RASA3: variants seen among roughly 807,000 people sequenced by gnomAD.
RASA3 encodes ras GTPase-activating protein 3.
A neutral mutation model predicts 110.0 loss-of-function variants in RASA3; 73 were observed. The observed-to-expected ratio is 0.66, with a 90% confidence interval of 0.55 to 0.81. The LOEUF (loss-of-function observed/expected upper bound fraction) is 0.81. RASA3 is among the 30% of genes least tolerant of loss of function. The probability of loss-of-function intolerance (pLI) is 0.00; values close to 1 mark genes in which losing one functional copy is unlikely to be tolerated. For missense variants in RASA3, 976 were observed against 1,113.2 expected, an observed-to-expected ratio of 0.88 and a Z score of 1.75; for synonymous variants, 500 against 451.4, an observed-to-expected ratio of 1.11 and a Z score of -1.37.
At chr13:114,082,205 G>GGGCA (rs1290303054) in intron 1 of RASA3, among the ~76,000 whole-genome samples, 1 of 152,216 alleles carries the variant, frequency 6.6e-6, no homozygotes, top group Non-Finnish European at 1.5e-5. Flanking sequence ...GGTCTCACAG[G>GGGCA]GGCAGGCAGG....
intron 8 of RASA3, among the ~76,000 whole-genome samples, chr13:114,023,636 G>GA (rs1442882591): frequency 1.3e-5 from 2 of 152,220 alleles, no homozygotes; most frequent in African/African-American, 4.8e-5. Flanking sequence ...GGGATCGTGG[G>GA]GCTCTCTAAA....
At chr13:114,068,518 C>T (rs1485323705) in intron 2 of RASA3, among the ~76,000 whole-genome samples, 1 of 152,224 alleles carries the variant, frequency 6.6e-6, no homozygotes, top group Non-Finnish European at 1.5e-5. Context: ...TGTGTGACGC[C>T]AGCTGTTCCT....
intron 1 of RASA3, among the ~76,000 whole-genome samples, chr13:114,106,029 AC>A (rs1178886162): frequency 6.6e-6 from 1 of 152,180 alleles, no homozygotes; most frequent in Non-Finnish European, 1.5e-5. Flanking sequence ...AATCGCAGGC[AC>A]TGAGTGGGAG....
chr13:113,992,636 G>A (rs3737052), intron 21 of RASA3, 48 bp from the exon 22 acceptor site: 92 of 1,328,610 alleles, frequency 6.9e-5, no homozygotes, highest in Non-Finnish European at 9.2e-5. Context: ...TTATTTAAAC[G>A]ATGCTTTTAA....
At chr13:114,071,113 T>C (rs956525294) in intron 2 of RASA3, among the ~76,000 whole-genome samples, 2 of 152,208 alleles carry the variant, frequency 1.3e-5, no homozygotes, top group Admixed American at 1.3e-4. Context: ...CAGTCTTTTG[T>C]TGTGTGTGTT....
chr13:114,016,823 C>T (rs72659534), intron 12 of RASA3, among the ~76,000 whole-genome samples: 15,093 of 152,168 alleles, frequency 0.099, 974 homozygotes, highest in Middle Eastern at 0.15. Flanking sequence ...CACAGCCTGG[C>T]GGGCATCAGA....
intron 3 of RASA3, among the ~76,000 whole-genome samples, chr13:114,049,853 G>A (rs973480162): frequency 1.3e-5 from 2 of 152,252 alleles, no homozygotes; most frequent in African/African-American, 2.4e-5. Context: ...AGTGGACACA[G>A]CACAACAGGC....
chr13:114,102,409 G>A (rs2080071791), intron 1 of RASA3, among the ~76,000 whole-genome samples: 1 of 152,140 alleles, frequency 6.6e-6, no homozygotes, highest in Admixed American at 6.5e-5. Flanking sequence ...CGGTGAGAGG[G>A]AGAGGGACAG....
chr13:114,128,349 G>C (rs932561151), intron 1 of RASA3, among the ~76,000 whole-genome samples: 2 of 152,218 alleles, frequency 1.3e-5, no homozygotes, highest in African/African-American at 2.4e-5. Flanking sequence ...CACCTAATTT[G>C]ATGCCTGTAA....
chr13:114,100,212 G>C (rs375759845), intron 1 of RASA3, among the ~76,000 whole-genome samples: 1 of 151,710 alleles, frequency 6.6e-6, no homozygotes, highest in East Asian at 2.0e-4. Flanking sequence ...GCCCCGCCCC[G>C]GCCCGCGGTG....
At chr13:113,979,613 G>A (rs2052860453) in intron 23 of RASA3, among the ~76,000 whole-genome samples, 191 bp from the exon 24 acceptor site, 1 of 152,130 alleles carries the variant, frequency 6.6e-6, no homozygotes, top group Non-Finnish European at 1.5e-5. Flanking sequence ...GTGCACAGGT[G>A]GGTCAGGCGT....
intron 1 of RASA3, among the ~76,000 whole-genome samples, chr13:114,119,750 G>A (rs202177602): frequency 1.2e-4 from 3 of 25,556 alleles, no homozygotes; most frequent in Admixed American, 4.0e-4. Flanking sequence ...CTCCAGCCAG[G>A]CGTCGATCAG....
At chr13:114,002,807 G>C (rs369909364) in intron 18 of RASA3, among the ~76,000 whole-genome samples, 1 of 152,176 alleles carries the variant, frequency 6.6e-6, no homozygotes, top group African/African-American at 2.4e-5. Flanking sequence ...CCCATCGCGC[G>C]TGTGGGACGG....
At chr13:114,052,342 C>G (rs2079159155) in intron 2 of RASA3, among the ~76,000 whole-genome samples, 187 bp from the exon 3 acceptor site, 1 of 152,186 alleles carries the variant, frequency 6.6e-6, no homozygotes, top group Non-Finnish European at 1.5e-5. Flanking sequence ...CCGGCCTCCA[C>G]CTCGAGCCTT....
At chr13:114,041,645 C>G (rs1049417151) in intron 3 of RASA3, among the ~76,000 whole-genome samples, 1 of 152,224 alleles carries the variant, frequency 6.6e-6, no homozygotes, top group Non-Finnish European at 1.5e-5. Flanking sequence ...TGCACCCGTG[C>G]GAGCGACAGC....
At chr13:113,993,430 CCTCCCAAAG>C (rs1426603130) in intron 21 of RASA3, among the ~76,000 whole-genome samples, 3 of 151,964 alleles carry the variant, frequency 2.0e-5, no homozygotes, top group Non-Finnish European at 4.4e-5. Context: ...CCCACCTCGA[CCTCCCAAAG>C]TGCTAGGATT....
At chr13:114,024,057 G>C (rs558353853) in intron 8 of RASA3, among the ~76,000 whole-genome samples, 2 of 152,354 alleles carry the variant, frequency 1.3e-5, no homozygotes, top group African/African-American at 4.8e-5. Flanking sequence ...GAGGGATGCG[G>C]ACCTCTGGCT....
At chr13:114,020,960 C>T (rs778959197) in intron 9 of RASA3, among the ~76,000 whole-genome samples, 56 of 152,270 alleles carry the variant, frequency 3.7e-4, no homozygotes, top group Non-Finnish European at 5.1e-4. Context: ...ACGAGCTGCT[C>T]GCGGCTCAGG....
intron 4 of RASA3, among the ~76,000 whole-genome samples, chr13:114,030,759 G>C (rs990767548): frequency 1.3e-4 from 19 of 148,866 alleles, no homozygotes; most frequent in African/African-American, 4.7e-4. Context: ...GTGCAGCTGT[G>C]TATGTGAGCA....
Sources: allele counts gnomAD v4.1 joint callset (sites outside exome capture counted in the v4.1 genomes callset), GRCh38; gene constraint gnomAD v4.1.1; transcripts MANE v1.5; gene names NCBI Gene and HGNC (gene_info 2026-07-23, HGNC 2026-07-21).